IQGAP1: variants seen among roughly 807,000 people sequenced by gnomAD.
The protein encoded by IQGAP1 is IQ motif containing GTPase activating protein 1.
Under a neutral mutation model 215.6 loss-of-function variants are expected in IQGAP1, and 66 were observed. The ratio of observed to expected loss-of-function variants is 0.31; its 90% CI spans 0.25 to 0.38. The LOEUF (loss-of-function observed/expected upper bound fraction) is 0.38, where lower values mean the gene tolerates loss of function less well. Among genes scored for constraint, IQGAP1 ranks in the 10% least tolerant of loss-of-function variants. The pLI is 1.00. For missense variants in IQGAP1, 1,712 were observed against 1,997.1 expected, an observed-to-expected ratio of 0.86 and a Z score of 2.72; for synonymous variants, 772 against 728.7, an observed-to-expected ratio of 1.06 and a Z score of -0.96.
intron 25 of IQGAP1, 49 bp from the exon 26 acceptor site, chr15:90,477,616 A>G: frequency 7.6e-7 from 1 of 1,316,298 alleles, no homozygotes; most frequent in African/African-American, 1.4e-5. Context: ...GGATCTTTTA[A>G]GTTGATGGGT....
At position 90,484,298 on chromosome 15, in the gene IQGAP1, C is replaced by G. The variant is rs551986298; in HGVS notation, c.3867C>G (p.Thr1289=). The G allele has an allele frequency of 1.2e-6, 2 of 1,612,346 alleles. No homozygotes were observed. Among genetic ancestry groups the G allele is most frequent in the Admixed American group, 1.7e-5 (1 of 59,996 alleles). ...FNVDEYSDLV[T]LTKPVIYISI... ...TGGATGAGTACTCTGATTTAGTAAC[C>G]CTCACCAAACCAGTAATCTACATTT... Residue 1289 remains threonine, a synonymous_variant, in exon 30 of 38, where the codon ACC becomes ACG. Coordinates refer to ENST00000268182, the MANE Select transcript of IQGAP1 (RefSeq NM_003870.4).
intron 4 of IQGAP1, chr15:90,431,122 T>C (rs867313224): frequency 6.6e-6 from 1 of 150,802 alleles, no homozygotes; most frequent in South Asian, 2.1e-4. Flanking sequence ...ATGTATACAA[T>C]ATACAACAGA....
intron 11 of IQGAP1, 69 bp from the exon 12 acceptor site, chr15:90,452,706 A>G (rs1965621592): frequency 6.6e-7 from 1 of 1,506,250 alleles, no homozygotes; most frequent in East Asian, 2.3e-5. Flanking sequence ...TTTCCCATGA[A>G]GATTGGCACC....
chr15:90,481,786 C>T (rs1002110256), intron 26 of IQGAP1, among the ~76,000 whole-genome samples, 174 bp from the exon 27 acceptor site: 1 of 152,248 alleles, frequency 6.6e-6, no homozygotes, highest in African/African-American at 2.4e-5. Context: ...GCACCTGATT[C>T]ACAGTTAAAA....
intron 5 of IQGAP1, among the ~76,000 whole-genome samples, chr15:90,438,025 G>A (rs1729138308): frequency 6.6e-6 from 1 of 152,112 alleles, no homozygotes; most frequent in Admixed American, 6.5e-5. Flanking sequence ...CTTGATTTTT[G>A]TTTTTCTATT....
At chr15:90,486,179 A>G in intron 31 of IQGAP1, 47 bp downstream of exon 31, 3 of 1,357,106 alleles carry the variant, frequency 2.2e-6, no homozygotes, top group Non-Finnish European at 3.1e-6. Context: ...AATGTGACAG[A>G]AAAGTGTTGT....
At chr15:90,465,931 C>A in intron 15 of IQGAP1, 70 bp from the exon 16 acceptor site, 2 of 1,167,674 alleles carry the variant, frequency 1.7e-6, no homozygotes, top group South Asian at 2.4e-5. Flanking sequence ...TAGGAAGCCC[C>A]CTTCTTCACA....
intron 2 of IQGAP1, among the ~76,000 whole-genome samples, chr15:90,396,978 G>T (rs1011192953): frequency 6.6e-6 from 1 of 151,612 alleles, no homozygotes. Flanking sequence ...TCACCCTCCC[G>T]AGTAGCTGGG....
intron 33 of IQGAP1, among the ~76,000 whole-genome samples, chr15:90,490,970 G>A (rs941070837): frequency 1.3e-5 from 2 of 152,090 alleles, no homozygotes; most frequent in Non-Finnish European, 2.9e-5. Flanking sequence ...CCCATGCTCG[G>A]CTAATTTTGT....
chr15:90,457,083 A>G (rs1402975659), intron 15 of IQGAP1, among the ~76,000 whole-genome samples: 1 of 151,876 alleles, frequency 6.6e-6, no homozygotes, highest in Non-Finnish European at 1.5e-5. Context: ...TTTGGCAGTC[A>G]GATTGTAGAA....
intron 2 of IQGAP1, among the ~76,000 whole-genome samples, chr15:90,412,899 T>C (rs1437050454): frequency 6.6e-6 from 1 of 152,200 alleles, no homozygotes; most frequent in Non-Finnish European, 1.5e-5. Context: ...CCCTTCTGTA[T>C]TGCACAGAGC....
chr15:90,491,595 G>A (rs1966205742), intron 34 of IQGAP1, 50 bp downstream of exon 34: 1 of 1,456,822 alleles, frequency 6.9e-7, no homozygotes, highest in Admixed American at 1.7e-5. Flanking sequence ...AAAGCTGAGA[G>A]GCTCGAGAGA....
At position 90,440,544 on chromosome 15, in the gene IQGAP1, G is replaced by A; in HGVS notation, c.578G>A (p.Gly193Asp). 1 of 1,570,708 alleles carries A rather than the reference G, an allele frequency of 6.4e-7. No homozygotes were observed. The highest frequency in any genetic ancestry group is 1.3e-5 in the African/African-American group (1 of 74,648). The stretch of plus-strand genomic sequence containing the variant: ...ATGAAGACTGAGTTGGAGAAGTATG[G>A]CATCCAGATGCCTGCCTTTAGCAAG... ...NNMKTELEKY[G>D]IQMPAFSKIG... Residue 193 changes from glycine to aspartate, a missense_variant, in exon 7 of 38, where the codon GGC (glycine) becomes GAC (aspartate). Physicochemically the swap from Gly to Asp is moderately conservative, Grantham distance 94. Around this residue, in one of 2 missense-constraint regions of IQGAP1, gnomAD observed 1,021 missense variants for 1,074.2 expected, o/e 0.95. Transcript: ENST00000268182.
At chr15:90,481,165 A>G (rs545497099) in intron 26 of IQGAP1, among the ~76,000 whole-genome samples, 1 of 150,990 alleles carries the variant, frequency 6.6e-6, no homozygotes, top group Admixed American at 6.6e-5. Context: ...GCTTGTGGTG[A>G]CTGTTGACAT....
chr15:90,469,474 C>G (rs187177918), intron 18 of IQGAP1, among the ~76,000 whole-genome samples: 11 of 152,322 alleles, frequency 7.2e-5, no homozygotes, highest in Non-Finnish European at 1.5e-4. Context: ...TCCAGTGTTT[C>G]ATCTTCATTG....
At position 90,484,276 on chromosome 15, in the gene IQGAP1, A is replaced by T; in HGVS notation, c.3845A>T (p.Asp1282Val). The T allele has an allele frequency of 6.2e-7, 1 of 1,613,384 alleles. No homozygotes were observed. The highest frequency in any genetic ancestry group is 8.5e-7 in the Non-Finnish European group (1 of 1,179,382). Residue 1282 changes from aspartate to valine, a missense_variant, in exon 30 of 38, where the codon GAT becomes GTT. Asp to Val is a radical substitution (Grantham distance 152, BLOSUM62 -3). This residue lies in a region of IQGAP1 where 691 missense variants were observed against 923.0 expected (regional missense o/e 0.75). Transcript: ENST00000268182. ...VPELQDKFNV[D>V]EYSDLVTLTK... is the part of the protein sequence containing the mutation. ...GAGCTTCAGGATAAATTTAATGTGG[A>T]TGAGTACTCTGATTTAGTAACCCTC...
intron 2 of IQGAP1, among the ~76,000 whole-genome samples, chr15:90,418,472 C>T (rs1014213369): frequency 6.6e-6 from 1 of 151,768 alleles, no homozygotes; most frequent in African/African-American, 2.4e-5. Flanking sequence ...CCTGTGGTCC[C>T]AGCTACTCAG....
intron 15 of IQGAP1, among the ~76,000 whole-genome samples, chr15:90,459,311 C>T (rs1965729822): frequency 6.6e-6 from 1 of 152,182 alleles, no homozygotes; most frequent in African/African-American, 2.4e-5. Flanking sequence ...TTGTCAATTT[C>T]CTCAGCAAAC....
At chr15:90,407,399 T>C (rs1036054967) in intron 2 of IQGAP1, among the ~76,000 whole-genome samples, 1 of 147,610 alleles carries the variant, frequency 6.8e-6, no homozygotes, top group South Asian at 2.2e-4. Context: ...TTACCTACTT[T>C]ACTAAAAAAT....
Sources: gnomAD v4.1 joint callset for allele counts (sites outside exome capture counted in the v4.1 genomes callset) on GRCh38, gnomAD v4.1.1 for gene constraint, gnomAD v4.1.1 regional missense constraint, MANE v1.5 for transcripts, NCBI Gene and HGNC (gene_info 2026-07-23, HGNC 2026-07-21) for gene names.